TBC1D8B: variants seen among roughly 807,000 people sequenced by gnomAD.
TBC1D8B encodes RP11-321G1.1.
TBC1D8B carries 75 observed loss-of-function variants against 82.9 expected under a neutral mutation model. The observed-to-expected ratio is 0.90, with a 90% CI of 0.75 to 1.10. TBC1D8B has a LOEUF of 1.10. Among genes scored for constraint, TBC1D8B ranks in the 50% least tolerant of loss-of-function variants. The pLI is 0.00. For missense variants in TBC1D8B, 794 were observed against 796.9 expected, an observed-to-expected ratio of 1.00 and a Z score of 0.04; for synonymous variants, 276 against 276.8, an observed-to-expected ratio of 1.00 and a Z score of 0.03.
intron 20 of TBC1D8B, among the ~76,000 whole-genome samples, chrX:106,873,044 G>C (rs1321990913): frequency 8.9e-6 from 1 of 112,008 alleles, no homozygotes; most frequent in African/African-American, 3.2e-5. Flanking sequence ...TGGATAAAAT[G>C]TACTATTAGG....
At chrX:106,828,321 C>T (rs1411242450) in intron 7 of TBC1D8B, 5,170 of 54,995 alleles carry the variant, frequency 0.094, no homozygotes, top group Non-Finnish European at 0.11. Flanking sequence ...CGAAAAAGAG[C>T]CCAGGACCAG....
chrX:106,870,668 A>G (rs1359927984), intron 19 of TBC1D8B, 48 bp from the exon 20 acceptor site: 2 of 811,031 alleles, frequency 2.5e-6, no homozygotes, highest in Non-Finnish European at 1.8e-6. Flanking sequence ...ATTTTGGGAA[A>G]GTATAGTGGG....
At chrX:106,822,405 C>T (rs1297647401) in intron 4 of TBC1D8B, among the ~76,000 whole-genome samples, 1 of 111,599 alleles carries the variant, frequency 9.0e-6, no homozygotes, top group Non-Finnish European at 1.9e-5. Context: ...TATAGAATGC[C>T]TTGCATATCG....
chrX:106,866,552 T>C (rs910097508), intron 16 of TBC1D8B, among the ~76,000 whole-genome samples: 1 of 111,946 alleles, frequency 8.9e-6, no homozygotes, highest in Admixed American at 9.5e-5. Flanking sequence ...AAATCTGAGA[T>C]TGGGGGGAAG....
chrX:106,840,530 G>C, intron 9 of TBC1D8B, 140 bp from the exon 10 acceptor site: 11 of 563,161 alleles, frequency 2.0e-5, no homozygotes, highest in Non-Finnish European at 2.8e-5. Context: ...CTAGTGTAAA[G>C]CTCTTTTCTG....
chrX:106,830,525 G>A (rs1044648812), intron 7 of TBC1D8B, among the ~76,000 whole-genome samples: 20 of 110,740 alleles, frequency 1.8e-4, no homozygotes, highest in Middle Eastern at 4.2e-3. Context: ...ATTCACAATA[G>A]CCAAGACTTG....
chrX:106,839,534 G>A, intron 8 of TBC1D8B, 77 bp downstream of exon 8: 1 of 988,448 alleles, frequency 1.0e-6, no homozygotes, highest in Non-Finnish European at 1.3e-6. Context: ...AGACTAGAAG[G>A]TATCACAACT....
At chrX:106,858,039 A>G (rs1932731681) in intron 14 of TBC1D8B, among the ~76,000 whole-genome samples, 3 of 112,297 alleles carry the variant, frequency 2.7e-5, no homozygotes, top group Non-Finnish European at 1.9e-5. Flanking sequence ...CCAGCAGTGT[A>G]TTAGCATTCC....
chrX:106,826,345 C>T, intron 6 of TBC1D8B, 108 bp downstream of exon 6: 2 of 584,359 alleles, frequency 3.4e-6, no homozygotes, highest in South Asian at 7.3e-5. Flanking sequence ...GATGCAATAT[C>T]CTTTTAGTAA....
intron 3 of TBC1D8B, 77 bp from the exon 4 acceptor site, chrX:106,821,900 A>G: frequency 2.3e-6 from 2 of 858,066 alleles, no homozygotes; most frequent in South Asian, 4.9e-5. Context: ...AATTGTATTC[A>G]ATCAACTGTT....
At position 106,874,047 on chromosome X, in the gene TBC1D8B, G is replaced by T. The variant is rs1932870253; in HGVS notation, c.*82G>T. On this transcript the variant is annotated 3_prime_UTR_variant, in exon 21 of 21. Coordinates refer to ENST00000357242, the MANE Select transcript of TBC1D8B (RefSeq NM_017752.3). ...TTGATTCCTGTGAGTAGGGCTCAGG[G>T]ATTTATCTTGTTACCAATGTGTCTG... 9.8e-7 allele frequency: 1 copy of T among 1,020,201 alleles called. No homozygotes were observed. 84.1% of individuals were successfully genotyped at this position (1,020,201 alleles called of 1,213,427 possible). A position where few individuals can be genotyped will look rare whatever the true frequency, so the allele number is the denominator to read the frequency against.
At chrX:106,872,888 T>G (rs755611167) in intron 20 of TBC1D8B, among the ~76,000 whole-genome samples, 1 of 111,140 alleles carries the variant, frequency 9.0e-6, no homozygotes, top group African/African-American at 3.3e-5. Flanking sequence ...GAGGATCACT[T>G]GAGCCCAGCA....
Position 106,818,792 on chromosome X carries a change from A to C in TBC1D8B, c.241+19A>C, listed in dbSNP as rs759697550. On this transcript the variant is annotated intron_variant, in intron 2 of 20. Transcript: ENST00000357242. ...GCATGTGGTGAGTATGATTTTTAAA[A>C]CATAATTCAAATTAAATAAGGGTAC... The C allele has an allele frequency of 8.9e-7, 1 of 1,118,033 alleles. No homozygotes were observed. The highest frequency in any genetic ancestry group is 1.2e-6 in the Non-Finnish European group (1 of 815,350). The allele number at this position is 1,118,033 out of a possible 1,213,427, so 92.1% of individuals were successfully genotyped here.
Position 106,821,976 on chromosome X carries a change from G to A in TBC1D8B, c.361-1G>A. ...TTCAGAAAATATTTTGTCTCCTTTA[G>A]GGATTAATTGCTGAAGAGGGAAAAC... On this transcript the variant is annotated splice_acceptor_variant, in intron 3 of 20. Coordinates refer to ENST00000357242, the MANE Select transcript of TBC1D8B (RefSeq NM_017752.3). LOFTEE classifies it high-confidence loss of function. 1.7e-6 allele frequency: 2 copies of A among 1,203,024 alleles called. No homozygotes were observed. Among genetic ancestry groups the A allele is most frequent in the Middle Eastern group, 2.3e-4 (1 of 4,294 alleles).
chrX:106,821,275 T>G (rs1339134534), intron 3 of TBC1D8B, among the ~76,000 whole-genome samples: 2 of 111,523 alleles, frequency 1.8e-5, no homozygotes, highest in African/African-American at 6.5e-5. Context: ...TATTTTCTCA[T>G]GAGCTGGATT....
rs755591683 is a variant in TBC1D8B at position 106,873,928 on chromosome X, C to A, written c.3326C>A (p.Ala1109Glu). Residue 1109 changes from alanine (A) to glutamate (E), a missense_variant, in exon 21 of 21, where the codon GCA becomes GAA. Transcript: ENST00000357242. ...PIDVKAKLEN[A>E]RISQLRSRTK... ...GATGTAAAAGCCAAGCTGGAAAATG[C>A]AAGAATTTCTCAGTTAAGGTCTAGA... The A allele has an allele frequency of 8.3e-7, 1 of 1,200,805 alleles. No individual in the cohort carries two copies. The highest frequency in any genetic ancestry group is 1.8e-5 in the African/African-American group (1 of 56,938).
At chrX:106,860,093 T>C (rs143585016) in intron 14 of TBC1D8B, among the ~76,000 whole-genome samples, 1,602 of 111,643 alleles carry the variant, frequency 0.014, 25 homozygotes, top group African/African-American at 0.05. Context: ...TTTGGTTTGC[T>C]AGTAGTTTGT....
At chrX:106,860,381 G>GTT (rs1932762859) in intron 14 of TBC1D8B, among the ~76,000 whole-genome samples, 1 of 101,310 alleles carries the variant, frequency 9.9e-6, no homozygotes, top group Non-Finnish European at 1.9e-5. Context: ...GTGTGTGTGT[G>GTT]TGTGTTTCTG....
In TBC1D8B at chrX:106,827,336, A is replaced by C; in HGVS notation, c.1202A>C (p.Glu401Ala). Reference sequence around the variant, plus strand: ...ACTCAATATCATGATATTAGCACAGAGGTAATTAATTATACAGCAATCAAA... The same window carrying C: ...ACTCAATATCATGATATTAGCACAGCGGTAATTAATTATACAGCAATCAAA... ...ASTQYHDIST[E>A]LAISSESTEP... Residue 401 changes from glutamate (E) to alanine (A), a missense_variant and splice_region_variant, in exon 7 of 21, where the codon GAG becomes GCG. By Grantham distance (107) the Glu-to-Ala change is moderately radical. Coordinates refer to ENST00000357242, the MANE Select transcript of TBC1D8B (RefSeq NM_017752.3). 1.7e-6 allele frequency: 2 copies of C among 1,209,804 alleles called. No homozygotes were observed. The highest frequency in any genetic ancestry group is 2.2e-6 in the Non-Finnish European group (2 of 894,324).
Sources: gnomAD v4.1 joint callset for allele counts (sites outside exome capture counted in the v4.1 genomes callset) on GRCh38, gnomAD v4.1.1 for gene constraint, MANE v1.5 for transcripts, NCBI Gene and HGNC (gene_info 2026-07-23, HGNC 2026-07-21) for gene names.